The following PLPPR5 variants were observed in gnomAD, a reference collection of about 807,000 sequenced individuals.
PLPPR5 encodes the protein phospholipid phosphatase-related protein type 5.
Under a neutral mutation model 33.9 loss-of-function variants are expected in PLPPR5, and 16 were observed. The ratio of observed to expected loss-of-function variants is 0.47; its 90% confidence interval spans 0.32 to 0.72. The LOEUF (loss-of-function observed/expected upper bound fraction) is 0.72. PLPPR5 is among the 30% of genes least tolerant of loss of function. PLPPR5 has a pLI of 0.03. For synonymous variants in PLPPR5, 163 were observed against 150.3 expected, an observed-to-expected ratio of 1.08 and a Z score of -0.62; for missense variants, 301 against 406.7, an observed-to-expected ratio of 0.74 and a Z score of 2.23.
intron 3 of PLPPR5, among the ~76,000 whole-genome samples, chr1:98,937,288 C>A (rs1381265259): frequency 6.6e-6 from 1 of 152,234 alleles, no homozygotes; most frequent in African/African-American, 2.4e-5. Context: ...GATTGTGGCA[C>A]ACTGTATTCT....
intron 3 of PLPPR5, among the ~76,000 whole-genome samples, chr1:98,936,528 G>C (rs141042339): frequency 4.7e-4 from 72 of 152,348 alleles, no homozygotes; most frequent in African/African-American, 1.7e-3. Flanking sequence ...CTCAGGATGT[G>C]CATGGATCCC....
In PLPPR5 at chr1:98,914,918, A is replaced by T; in HGVS notation, c.801T>A (p.Val267=). ...LVGISIAVFL[V]VCVVNNFKGR... is the part of the protein sequence containing the mutation. ...CTTTGAAATTATTCACCACGCACACAACCTAAAATTTCAGAAGACAATTAC... is the reference window on the plus strand; with the variant it reads ...CTTTGAAATTATTCACCACGCACACTACCTAAAATTTCAGAAGACAATTAC... Residue 267 remains valine, a splice_region_variant and synonymous_variant, in exon 5 of 6, where the codon GTT becomes GTA. Coordinates refer to ENST00000263177, the MANE Select transcript of PLPPR5 (RefSeq NM_001037317.2). The T allele has an allele frequency of 1.2e-6, 2 of 1,609,704 alleles. No homozygotes were observed. Among genetic ancestry groups the T allele is most frequent in the Non-Finnish European group, 1.7e-6 (2 of 1,179,274 alleles).
At chr1:98,923,992 C>T (rs771290714) in intron 3 of PLPPR5, among the ~76,000 whole-genome samples, 1 of 152,188 alleles carries the variant, frequency 6.6e-6, no homozygotes, top group African/African-American at 2.4e-5. Context: ...TTCTTTAACA[C>T]AGCTATAAGG....
intron 1 of PLPPR5, among the ~76,000 whole-genome samples, chr1:98,964,092 G>C (rs1386725257): frequency 6.6e-6 from 1 of 152,082 alleles, no homozygotes; most frequent in Non-Finnish European, 1.5e-5. Context: ...GCATCCCTGG[G>C]GCAACGAGCA....
chr1:98,934,563 T>C (rs1650108485), intron 3 of PLPPR5, among the ~76,000 whole-genome samples: 1 of 151,966 alleles, frequency 6.6e-6, no homozygotes, highest in South Asian at 2.1e-4. Context: ...AATATAGAGA[T>C]AGGGAAGTCT....
chr1:98,988,920 G>A (rs1263524572), intron 1 of PLPPR5, among the ~76,000 whole-genome samples: 1 of 152,034 alleles, frequency 6.6e-6, no homozygotes, highest in Non-Finnish European at 1.5e-5. Flanking sequence ...GAATCCTTTA[G>A]TCCACCCAGC....
intron 3 of PLPPR5, among the ~76,000 whole-genome samples, chr1:98,927,834 C>T (rs1013998507): frequency 6.6e-6 from 1 of 152,130 alleles, no homozygotes; most frequent in Admixed American, 6.5e-5. Flanking sequence ...TCCTTCCCTT[C>T]CCCTAGGTTG....
chr1:98,915,642 G>T (rs1007040922), intron 4 of PLPPR5, among the ~76,000 whole-genome samples: 2 of 151,990 alleles, frequency 1.3e-5, no homozygotes, highest in Admixed American at 6.6e-5. Context: ...TTGTTTCAAT[G>T]GATTATATCT....
At chr1:98,980,295 C>T (rs1040153603) in intron 1 of PLPPR5, among the ~76,000 whole-genome samples, 2 of 152,060 alleles carry the variant, frequency 1.3e-5, no homozygotes, top group African/African-American at 2.4e-5. Context: ...CCTTTGCAAA[C>T]TTTTATGTGT....
intron 5 of PLPPR5, among the ~76,000 whole-genome samples, chr1:98,899,728 A>C (rs1648620482): frequency 6.8e-6 from 1 of 147,456 alleles, no homozygotes; most frequent in Admixed American, 6.8e-5. Context: ...GTGAGATTTC[A>C]GATCACTGTA....
At chr1:98,911,919 C>T (rs139489004) in intron 5 of PLPPR5, among the ~76,000 whole-genome samples, 2,048 of 152,162 alleles carry the variant, frequency 0.013, 18 homozygotes, top group Middle Eastern at 0.017. Flanking sequence ...GCCACCGCAC[C>T]TGGCTAATTT....
At chr1:98,928,270 G>T (rs1480557865) in intron 3 of PLPPR5, among the ~76,000 whole-genome samples, 1 of 151,628 alleles carries the variant, frequency 6.6e-6, no homozygotes, top group Non-Finnish European at 1.5e-5. Flanking sequence ...GAAACAAATT[G>T]GGCTTCACAT....
chr1:98,937,448 A>T (rs757525698), intron 3 of PLPPR5, among the ~76,000 whole-genome samples: 1 of 152,170 alleles, frequency 6.6e-6, no homozygotes, highest in Non-Finnish European at 1.5e-5. Context: ...CTATGAGCTC[A>T]TAAGATTGAG....
chr1:98,932,472 G>A lies in PLPPR5; in HGVS notation c.622-10414C>T, dbSNP rs141558367. ...TACTGCTTTGGAGAGCTGGGCTTGT[G>A]TATATCACACTGCTTATATATAATT... On this transcript the variant is annotated intron_variant, in intron 3 of 5. Coordinates refer to ENST00000263177, the MANE Select transcript of PLPPR5 (RefSeq NM_001037317.2). 3.5e-4 allele frequency among the ~76,000 whole-genome samples: 54 copies of A among 152,240 alleles called. No homozygotes were observed. In the East Asian group the frequency reaches 7.9e-3, roughly 22 times the overall value.
intron 1 of PLPPR5, among the ~76,000 whole-genome samples, chr1:98,983,005 G>A (rs952098405): frequency 6.6e-6 from 1 of 152,108 alleles, no homozygotes; most frequent in Non-Finnish European, 1.5e-5. Context: ...GGTGGCTGAG[G>A]AGTCACTGGT....
At chr1:98,904,261 C>A (rs930692401) in intron 5 of PLPPR5, among the ~76,000 whole-genome samples, 4 of 117,344 alleles carry the variant, frequency 3.4e-5, no homozygotes, top group African/African-American at 1.2e-4. Context: ...ATTACTTTCC[C>A]TTTTTTTTTT....
chr1:99,000,814 C>T (rs1652811662), intron 1 of PLPPR5, among the ~76,000 whole-genome samples: 1 of 152,150 alleles, frequency 6.6e-6, no homozygotes, highest in African/African-American at 2.4e-5. Context: ...GTATGTTTAT[C>T]TAATTTCACA....
chr1:98,980,794 A>C (rs1328939651), intron 1 of PLPPR5, among the ~76,000 whole-genome samples: 2 of 152,124 alleles, frequency 1.3e-5, no homozygotes, highest in African/African-American at 4.8e-5. Context: ...TTATAGAAGC[A>C]AAACATAGAA....
At chr1:99,003,967 G>T (rs1366255542) in intron 1 of PLPPR5, among the ~76,000 whole-genome samples, 1 of 152,148 alleles carries the variant, frequency 6.6e-6, no homozygotes, top group Non-Finnish European at 1.5e-5. Flanking sequence ...TACGTGCCCC[G>T]ACTCGGGAAG....
Sources: allele counts gnomAD v4.1 joint callset (sites outside exome capture counted in the v4.1 genomes callset), GRCh38; gene constraint gnomAD v4.1.1; transcripts MANE v1.5; gene names NCBI Gene and HGNC (gene_info 2026-07-23, HGNC 2026-07-21).